Variants in MBOAT2 observed in about 807,000 individuals in gnomAD.
The protein encoded by MBOAT2 is membrane-bound glycerophospholipid O-acyltransferase 2.
MBOAT2 carries 28 observed loss-of-function variants against 63.4 expected under a neutral mutation model. That is an observed-to-expected ratio of 0.44 (90% confidence interval 0.33 to 0.61). MBOAT2 has a LOEUF of 0.61. Ranked by LOEUF, MBOAT2 falls within the 20% of genes least tolerant of loss-of-function variation. The pLI is 0.03. For synonymous variants in MBOAT2, 211 were observed against 215.6 expected, an observed-to-expected ratio of 0.98 and a Z score of 0.19; for missense variants, 470 against 605.8, an observed-to-expected ratio of 0.78 and a Z score of 2.35.
At chr2:8,994,278 A>G (rs950925871) in intron 1 of MBOAT2, among the ~76,000 whole-genome samples, 2 of 152,218 alleles carry the variant, frequency 1.3e-5, no homozygotes, top group Non-Finnish European at 2.9e-5. Context: ...ATCAGAGTAG[A>G]ATACAGTGAA....
intron 4 of MBOAT2, among the ~76,000 whole-genome samples, chr2:8,898,847 G>A (rs202201675): frequency 2.5e-3 from 386 of 151,748 alleles, no homozygotes; most frequent in African/African-American, 9.0e-3. Flanking sequence ...TCTGGTATTT[G>A]AGAGAGCAGG....
At chr2:8,902,971 CAGAGTGCTGATTGGTCCGTTTTAT>C (rs1665070334) in intron 4 of MBOAT2, among the ~76,000 whole-genome samples, 1 of 152,158 alleles carries the variant, frequency 6.6e-6, no homozygotes, top group South Asian at 2.1e-4. Flanking sequence ...GTCCATTTTA[CAGAGTGCTGATTGGTCCGTTTTAT>C]AGAGTGCTGA....
intron 4 of MBOAT2, among the ~76,000 whole-genome samples, chr2:8,896,307 G>T (rs1325246763): frequency 6.6e-6 from 1 of 151,744 alleles, no homozygotes; most frequent in African/African-American, 2.4e-5. Flanking sequence ...TCCCGTAAAG[G>T]CCGGGTGGCA....
intron 3 of MBOAT2, among the ~76,000 whole-genome samples, chr2:8,935,887 C>T (rs1219781721): frequency 6.6e-6 from 1 of 152,172 alleles, no homozygotes; most frequent in Non-Finnish European, 1.5e-5. Flanking sequence ...TTTTCATGTC[C>T]TTGTCTGCTG....
chr2:8,927,802 G>A (rs553639068), intron 3 of MBOAT2, among the ~76,000 whole-genome samples: 1 of 152,334 alleles, frequency 6.6e-6, no homozygotes, highest in East Asian at 1.9e-4. Flanking sequence ...ACATCCAAAT[G>A]TGGGTGGTCC....
chr2:8,966,559 G>A (rs1342024919), intron 1 of MBOAT2, among the ~76,000 whole-genome samples: 1 of 152,110 alleles, frequency 6.6e-6, no homozygotes, highest in Non-Finnish European at 1.5e-5. Context: ...GCTACGTTTG[G>A]AAAACAAGAG....
chr2:8,888,166 A>G, intron 4 of MBOAT2, 93 bp from the exon 5 acceptor site: 1 of 1,178,626 alleles, frequency 8.5e-7, no homozygotes, highest in East Asian at 2.4e-5. Flanking sequence ...TGCTTTTATC[A>G]CTACAAATCC....
intron 1 of MBOAT2, among the ~76,000 whole-genome samples, chr2:8,961,487 A>G (rs1024679152): frequency 3.9e-5 from 6 of 152,158 alleles, no homozygotes; most frequent in Admixed American, 1.3e-4. Context: ...TCCACTACAC[A>G]CTGTCAGAGC....
chr2:8,868,142 C>T (rs1662035494), intron 9 of MBOAT2, among the ~76,000 whole-genome samples: 1 of 152,150 alleles, frequency 6.6e-6, no homozygotes, highest in African/African-American at 2.4e-5. Context: ...CCTCAACTAA[C>T]CTGGATTCCT....
intron 3 of MBOAT2, among the ~76,000 whole-genome samples, chr2:8,924,450 T>C (rs1666800017): frequency 6.6e-6 from 1 of 152,176 alleles, no homozygotes; most frequent in Non-Finnish European, 1.5e-5. Flanking sequence ...GCCCTGTCTC[T>C]CCTGACCAGG....
At chr2:8,919,073 A>G (rs553721569) in intron 3 of MBOAT2, among the ~76,000 whole-genome samples, 2 of 152,362 alleles carry the variant, frequency 1.3e-5, no homozygotes, top group African/African-American at 2.4e-5. Flanking sequence ...GTTGCAGCAT[A>G]TATCAGCAGT....
At chr2:8,914,074 G>A (rs1039731497) in intron 3 of MBOAT2, among the ~76,000 whole-genome samples, 1 of 152,154 alleles carries the variant, frequency 6.6e-6, no homozygotes, top group African/African-American at 2.4e-5. Context: ...ACTCAGGAAT[G>A]GAAAACAAAA....
intron 1 of MBOAT2, among the ~76,000 whole-genome samples, chr2:8,972,924 C>T (rs187847852): frequency 3.1e-4 from 47 of 152,278 alleles, no homozygotes; most frequent in Non-Finnish European, 6.5e-4. Context: ...GTTGATGGGA[C>T]TGTAAACTGG....
intron 4 of MBOAT2, among the ~76,000 whole-genome samples, chr2:8,903,303 A>C (rs866987838): frequency 1.3e-5 from 2 of 152,210 alleles, no homozygotes; most frequent in Non-Finnish European, 2.9e-5. Context: ...GCTGCCTACA[A>C]AAGTACCTGG....
chr2:8,948,899 CTTT>C (rs1331243197), intron 2 of MBOAT2, among the ~76,000 whole-genome samples: 2 of 152,178 alleles, frequency 1.3e-5, no homozygotes, highest in Non-Finnish European at 2.9e-5. Flanking sequence ...GTTTCAAGTT[CTTT>C]AAGAAATCTG....
At chr2:8,969,584 A>G (rs1172303064) in intron 1 of MBOAT2, among the ~76,000 whole-genome samples, 1 of 152,178 alleles carries the variant, frequency 6.6e-6, no homozygotes, top group Non-Finnish European at 1.5e-5. Flanking sequence ...GGCAAATTGG[A>G]CAGAGTCAAG....
At chr2:8,876,308 G>C (rs1662694666) in intron 7 of MBOAT2, among the ~76,000 whole-genome samples, 1 of 152,174 alleles carries the variant, frequency 6.6e-6, no homozygotes, top group Non-Finnish European at 1.5e-5. Context: ...CTGCCAACCT[G>C]GGGAATCTTG....
At chr2:8,994,874 A>C (rs1418076066) in intron 1 of MBOAT2, among the ~76,000 whole-genome samples, 2 of 152,242 alleles carry the variant, frequency 1.3e-5, no homozygotes, top group African/African-American at 4.8e-5. Flanking sequence ...GAAACAGCTT[A>C]ATCAAAGGCA....
chr2:8,910,910 A>G (rs1665666837), intron 3 of MBOAT2, among the ~76,000 whole-genome samples: 1 of 152,188 alleles, frequency 6.6e-6, no homozygotes, highest in Admixed American at 6.5e-5. Context: ...AAAACCTGGC[A>G]ATTTCTTATG....
Sources: gnomAD v4.1 joint callset for allele counts (sites outside exome capture counted in the v4.1 genomes callset) on GRCh38, gnomAD v4.1.1 for gene constraint, MANE v1.5 for transcripts, NCBI Gene and HGNC (gene_info 2026-07-23, HGNC 2026-07-21) for gene names.